The following AGMO variants were observed in gnomAD, a reference collection of about 807,000 sequenced individuals.
AGMO encodes the protein glyceryl-ether monooxygenase.
A neutral mutation model predicts 60.2 loss-of-function variants in AGMO; 75 were observed. The ratio of observed to expected loss-of-function variants is 1.25; its 90% CI spans 1.03 to 1.51. The LOEUF (loss-of-function observed/expected upper bound fraction) is 1.51. AGMO is among the 40% of genes most tolerant of loss of function. The probability of loss-of-function intolerance (pLI) is 0.00; values close to 1 mark genes in which losing one functional copy is unlikely to be tolerated. For synonymous variants in AGMO, 261 were observed against 177.1 expected (o/e 1.47, Z -3.76); for missense variants, 763 against 525.5 (o/e 1.45, Z -4.42).
At chr7:15,230,725 C>T (rs1309986611) in intron 12 of AGMO, among the ~76,000 whole-genome samples, 2 of 152,082 alleles carry the variant, frequency 1.3e-5, no homozygotes, top group South Asian at 2.1e-4. Context: ...CACTTTTCCC[C>T]ACTCTGACTC....
intron 3 of AGMO, among the ~76,000 whole-genome samples, chr7:15,493,990 G>T (rs1783152877): frequency 6.6e-6 from 1 of 151,926 alleles, no homozygotes; most frequent in African/African-American, 2.4e-5. Flanking sequence ...TTTTCCTTTG[G>T]GTTACAAACA....
chr7:15,307,854 A>G (rs773691882), intron 12 of AGMO, among the ~76,000 whole-genome samples: 1 of 152,070 alleles, frequency 6.6e-6, no homozygotes, highest in Admixed American at 6.6e-5. Flanking sequence ...ACAAGACTAA[A>G]TAAGACCCAT....
chr7:15,259,927 G>T (rs1239303722), intron 12 of AGMO, among the ~76,000 whole-genome samples: 1 of 22,324 alleles, frequency 4.5e-5, no homozygotes, highest in Non-Finnish European at 8.3e-5. Flanking sequence ...AAAAAAAAAA[G>T]CTCTAAATCT....
intron 3 of AGMO, among the ~76,000 whole-genome samples, chr7:15,477,054 G>T (rs1016896271): frequency 4.6e-5 from 7 of 151,918 alleles, no homozygotes; most frequent in African/African-American, 1.7e-4. Flanking sequence ...TCATTGAATG[G>T]CATCAGTTTG....
intron 5 of AGMO, among the ~76,000 whole-genome samples, chr7:15,404,286 T>C (rs1456256499): frequency 2.0e-5 from 3 of 151,920 alleles, no homozygotes; most frequent in Non-Finnish European, 4.4e-5. Context: ...GGCTGATTCT[T>C]GTCACTTATG....
At chr7:15,177,228 A>G in the AGMO span, among the ~76,000 whole-genome samples, 1 of 152,100 alleles carries the variant, frequency 6.6e-6, no homozygotes, top group African/African-American at 2.4e-5. Context: ...TTTGAAACAT[A>G]CCAAAAATTT....
chr7:15,494,748 T>C (rs1027628748), intron 3 of AGMO, among the ~76,000 whole-genome samples: 6 of 152,224 alleles, frequency 3.9e-5, no homozygotes, highest in African/African-American at 1.4e-4. Context: ...TTGACTTGAG[T>C]GCTCCATTTT....
Position 15,358,012 on chromosome 7 carries a change from A to G in AGMO, c.1263+7502T>C, listed in dbSNP as rs113146184. Among the ~76,000 whole-genome samples the G allele has an allele frequency of 5.9e-5, 9 of 152,344 alleles. 2 individuals are homozygous for G. Among genetic ancestry groups the G allele is most frequent in the African/African-American group, 2.2e-4 (9 of 41,574 alleles). On this transcript the variant is annotated intron_variant, in intron 12 of 12. Transcript: ENST00000342526. ...AGGAAAAGGAAGAACCCATGAAAGT[A>G]TGAAGTTTGCTAAGAACTGTTGAAT...
chr7:15,504,086 T>C (rs1783451567), intron 3 of AGMO, among the ~76,000 whole-genome samples: 1 of 151,994 alleles, frequency 6.6e-6, no homozygotes, highest in Non-Finnish European at 1.5e-5. Flanking sequence ...ATCCAATTAA[T>C]ACCAGTAGAG....
intron 2 of AGMO, among the ~76,000 whole-genome samples, chr7:15,545,303 T>C (rs974046730): frequency 1.3e-5 from 2 of 152,150 alleles, no homozygotes; most frequent in African/African-American, 4.8e-5. Flanking sequence ...TATTAAGAAT[T>C]CTTTATAAAG....
chr7:15,393,891 A>G (rs1784253157), intron 6 of AGMO, among the ~76,000 whole-genome samples: 1 of 152,140 alleles, frequency 6.6e-6, no homozygotes, highest in Admixed American at 6.6e-5. Flanking sequence ...AAAATCCAAA[A>G]GTCAGATAGA....
intron 12 of AGMO, among the ~76,000 whole-genome samples, chr7:15,292,880 A>T (rs1214270181): frequency 6.8e-6 from 1 of 148,064 alleles, no homozygotes; most frequent in Non-Finnish European, 1.5e-5. Context: ...GCCTCAACCT[A>T]CCGAGTAGCT....
At chr7:15,553,607 A>G (rs1785041209) in intron 2 of AGMO, among the ~76,000 whole-genome samples, 4 of 152,040 alleles carry the variant, frequency 2.6e-5, no homozygotes, top group Admixed American at 2.6e-4. Flanking sequence ...TTAAAAAAAT[A>G]TGCTATCTTT....
At chr7:15,379,102 C>T (rs2128570634) in intron 10 of AGMO, among the ~76,000 whole-genome samples, 1 of 152,120 alleles carries the variant, frequency 6.6e-6, no homozygotes, top group Middle Eastern at 3.4e-3. Flanking sequence ...ACCAGAATCT[C>T]TAGGACACAG....
intron 3 of AGMO, among the ~76,000 whole-genome samples, chr7:15,535,697 T>C (rs1033992881): frequency 6.6e-6 from 1 of 151,966 alleles, no homozygotes; most frequent in African/African-American, 2.4e-5. Flanking sequence ...ATGGGGTACA[T>C]GAGATATTTT....
chr7:15,375,852 G>T (rs1783432380), intron 10 of AGMO, among the ~76,000 whole-genome samples: 1 of 152,084 alleles, frequency 6.6e-6, no homozygotes, highest in Non-Finnish European at 1.5e-5. Context: ...GGTTATCATT[G>T]TGTTTGTTAT....
At chr7:15,553,736 T>A (rs986489842) in intron 2 of AGMO, among the ~76,000 whole-genome samples, 2 of 150,866 alleles carry the variant, frequency 1.3e-5, no homozygotes, top group South Asian at 2.1e-4. Flanking sequence ...AAATAAATAA[T>A]TTCAAAAACC....
chr7:15,365,928 T>C (rs1428033757), intron 11 of AGMO, among the ~76,000 whole-genome samples: 2 of 152,082 alleles, frequency 1.3e-5, no homozygotes, highest in African/African-American at 2.4e-5. Flanking sequence ...TTTTCACTGA[T>C]TTAATGTCTT....
chr7:15,354,481 TGTATATACACAC>T (rs1361763725), intron 12 of AGMO, among the ~76,000 whole-genome samples: 13 of 25,670 alleles, frequency 5.1e-4, no homozygotes, highest in African/African-American at 1.4e-3. Flanking sequence ...TACACACGTG[TGTATATACACAC>T]GTGTATATAT....
Sources: allele counts gnomAD v4.1 joint callset (sites outside exome capture counted in the v4.1 genomes callset), GRCh38; gene constraint gnomAD v4.1.1; transcripts MANE v1.5; gene names NCBI Gene and HGNC (gene_info 2026-07-23, HGNC 2026-07-21).